LPP: variants seen among roughly 807,000 people sequenced by gnomAD.
The protein encoded by LPP is LIM domain containing preferred translocation partner in lipoma, also known as lipoma-preferred partner.
Under a neutral mutation model 60.4 loss-of-function variants are expected in LPP, and 38 were observed. That is an observed-to-expected ratio of 0.63 (90% confidence interval 0.49 to 0.83). LPP has a LOEUF of 0.83. Among genes scored for constraint, LPP ranks in the 40% least tolerant of loss-of-function variants. LPP has a pLI of 0.00. For missense variants in LPP, 902 were observed against 783.6 expected (o/e 1.15, Z -1.80); for synonymous variants, 328 against 290.8 (o/e 1.13, Z -1.30).
At chr3:188,209,003 T>C (rs6772342) in intron 1 of LPP, among the ~76,000 whole-genome samples, 5,766 of 152,348 alleles carry the variant, frequency 0.038, 143 homozygotes, top group South Asian at 0.076. Flanking sequence ...TTATCTCATA[T>C]GATCCTTATA....
At chr3:188,223,941 C>A (rs140202624) in intron 1 of LPP, among the ~76,000 whole-genome samples, 1 of 152,152 alleles carries the variant, frequency 6.6e-6, no homozygotes, top group Non-Finnish European at 1.5e-5. Flanking sequence ...CACTAGGTCT[C>A]AGGAAACTCC....
At chr3:188,353,415 T>C (rs1191199462) in intron 3 of LPP, among the ~76,000 whole-genome samples, 2 of 152,240 alleles carry the variant, frequency 1.3e-5, no homozygotes, top group Admixed American at 1.3e-4. Context: ...GAATTAGATT[T>C]TGTTAAGAAT....
intron 6 of LPP, among the ~76,000 whole-genome samples, chr3:188,581,699 G>A (rs1836182266): frequency 6.6e-6 from 1 of 152,066 alleles, no homozygotes; most frequent in African/African-American, 2.4e-5. Context: ...GTTATACCCT[G>A]GATCTTATCA....
At chr3:188,428,913 A>T (rs565483881) in intron 4 of LPP, among the ~76,000 whole-genome samples, 37 of 152,300 alleles carry the variant, frequency 2.4e-4, no homozygotes, top group Non-Finnish European at 4.1e-4. Flanking sequence ...AAAACAAAAC[A>T]AGAACAACCT....
chr3:188,229,861 G>A (rs925489803), intron 2 of LPP, among the ~76,000 whole-genome samples: 10 of 152,156 alleles, frequency 6.6e-5, no homozygotes, highest in African/African-American at 2.2e-4. Context: ...GTGGTAGACA[G>A]CATCTGAAGT....
chr3:188,489,155 A>G (rs569417787), intron 5 of LPP, among the ~76,000 whole-genome samples: 7 of 152,318 alleles, frequency 4.6e-5, no homozygotes, highest in African/African-American at 1.7e-4. Flanking sequence ...CAAAATGTTT[A>G]TGGGTAATTA....
chr3:188,395,743 C>T (rs1235099172), intron 3 of LPP, among the ~76,000 whole-genome samples: 1 of 150,410 alleles, frequency 6.6e-6, no homozygotes, highest in Non-Finnish European at 1.5e-5. Flanking sequence ...GAGACCCTGT[C>T]TTTACAAAAA....
At chr3:188,275,299 G>T (rs1325644541) in intron 2 of LPP, among the ~76,000 whole-genome samples, 2 of 152,156 alleles carry the variant, frequency 1.3e-5, no homozygotes, top group African/African-American at 4.8e-5. Flanking sequence ...TAGAGTGCGG[G>T]TCAATCTAAT....
At chr3:188,213,567 C>T (rs180745388) in intron 1 of LPP, among the ~76,000 whole-genome samples, 1 of 152,312 alleles carries the variant, frequency 6.6e-6, no homozygotes, top group Admixed American at 6.5e-5. Flanking sequence ...CTAGAACCTA[C>T]TTCTAGTTCA....
At chr3:188,442,325 C>T (rs1343333162) in intron 4 of LPP, among the ~76,000 whole-genome samples, 3 of 152,056 alleles carry the variant, frequency 2.0e-5, no homozygotes, top group South Asian at 2.1e-4. Flanking sequence ...TCCCCGTGTC[C>T]GTGTGTTCTC....
At chr3:188,291,960 T>C (rs934267126) in intron 2 of LPP, among the ~76,000 whole-genome samples, 2 of 152,180 alleles carry the variant, frequency 1.3e-5, no homozygotes, top group African/African-American at 4.8e-5. Context: ...TCAGATTATA[T>C]AGAGTTGTAA....
At position 188,878,759 on chromosome 3, in the gene LPP, T is replaced by TAAAAA. The variant is rs11448997; in HGVS notation, c.*4292_*4296dup. On this transcript the variant is annotated 3_prime_UTR_variant, in exon 12 of 12. Transcript: ENST00000617246. The stretch of plus-strand genomic sequence containing the variant: ...ATATACTCACCAAAAAGTAAAAAAG[T>TAAAAA]AAAAAAAAAAAAAAAAGAAAGAAAG... 3.3e-4 allele frequency: 51 copies of TAAAAA among 156,358 alleles called. No homozygotes were observed. Among genetic ancestry groups the TAAAAA allele is most frequent in the African/African-American group, 4.6e-4 (16 of 34,908 alleles). 9.7% of individuals were successfully genotyped at this position (156,358 alleles called of 1,614,324 possible).
chr3:188,582,997 C>T (rs1209783350), intron 6 of LPP, among the ~76,000 whole-genome samples: 2 of 152,166 alleles, frequency 1.3e-5, no homozygotes, highest in Admixed American at 6.5e-5. Context: ...CCACCATCGC[C>T]CCAATCTATC....
intron 7 of LPP, among the ~76,000 whole-genome samples, chr3:188,696,136 A>G (rs956621722): frequency 6.6e-6 from 1 of 152,142 alleles, no homozygotes; most frequent in African/African-American, 2.4e-5. Context: ...TTTTAATCCC[A>G]TGGTTGATAG....
chr3:188,537,724 G>A (rs1186669306), intron 6 of LPP, among the ~76,000 whole-genome samples: 2 of 152,146 alleles, frequency 1.3e-5, no homozygotes, highest in Non-Finnish European at 2.9e-5. Context: ...ATCTAAGCTG[G>A]CTTCTTTGTA....
At chr3:188,250,858 TTTC>T (rs1480709228) in intron 2 of LPP, among the ~76,000 whole-genome samples, 5 of 149,708 alleles carry the variant, frequency 3.3e-5, no homozygotes, top group Admixed American at 2.0e-4. Flanking sequence ...TCTTTCTCTC[TTTC>T]TTTTCTTTTT....
intron 9 of LPP, among the ~76,000 whole-genome samples, chr3:188,845,529 ACT>A: frequency 6.6e-6 from 1 of 152,340 alleles, no homozygotes. Context: ...TTTTCAGGTC[ACT>A]GTGTAGATTG....
At chr3:188,742,407 G>A (rs1047828604) in intron 8 of LPP, among the ~76,000 whole-genome samples, 1 of 151,962 alleles carries the variant, frequency 6.6e-6, no homozygotes, top group African/African-American at 2.4e-5. Flanking sequence ...TCATTAACAG[G>A]TGAAAGGACA....
chr3:188,227,038 T>A (rs200787578), intron 2 of LPP, among the ~76,000 whole-genome samples: 2 of 152,324 alleles, frequency 1.3e-5, no homozygotes, highest in East Asian at 3.9e-4. Context: ...TTGAGTTTTT[T>A]CAGTGTTTAT....
Sources: gnomAD v4.1 joint callset for allele counts (sites outside exome capture counted in the v4.1 genomes callset) on GRCh38, gnomAD v4.1.1 for gene constraint, MANE v1.5 for transcripts, NCBI Gene and HGNC (gene_info 2026-07-23, HGNC 2026-07-21) for gene names.